The following PIK3C2G variants were observed in gnomAD, a reference collection of about 807,000 sequenced individuals.
The protein encoded by PIK3C2G is phosphatidylinositol 3-kinase C2 domain-containing subunit gamma.
A neutral mutation model predicts 181.1 loss-of-function variants in PIK3C2G; 168 were observed. The ratio of observed to expected loss-of-function variants is 0.93; its 90% confidence interval spans 0.82 to 1.05. The LOEUF (loss-of-function observed/expected upper bound fraction) is 1.05. Among genes scored for constraint, PIK3C2G ranks in the 50% least tolerant of loss-of-function variants. The pLI, the probability that PIK3C2G is intolerant of heterozygous loss-of-function variation, is 0.00. For missense variants in PIK3C2G, 1,869 were observed against 1,732.8 expected (o/e 1.08, Z -1.40); for synonymous variants, 573 against 592.2 (o/e 0.97, Z 0.47).
Position 18,488,432 on chromosome 12 carries a change from C to T in PIK3C2G, c.2505-17C>T, listed in dbSNP as rs1197533604. 3 of 1,259,132 alleles carry T rather than the reference C, an allele frequency of 2.4e-6. No homozygotes were observed. The highest frequency in any genetic ancestry group is 2.1e-5 in the African/African-American group (1 of 46,670). The allele number at this position is 1,259,132 out of a possible 1,614,324, so 78.0% of individuals were successfully genotyped here. On this transcript the variant is annotated splice_polypyrimidine_tract_variant and intron_variant, in intron 18 of 32. Coordinates refer to ENST00000538779, the MANE Select transcript of PIK3C2G (RefSeq NM_001288772.2). ...TAGCTTTACATACAAGAATTTTTTT[C>T]TCTCTCTTTCCTTCAGGCTGCTAAA... is the stretch of plus-strand genomic sequence containing the variant.
chr12:18,640,220 T>C (rs1170727575), intron 31 of PIK3C2G, among the ~76,000 whole-genome samples: 1 of 152,104 alleles, frequency 6.6e-6, no homozygotes, highest in East Asian at 1.9e-4. Context: ...CAACACTTAA[T>C]TTAAGATGGC....
At chr12:18,383,993 T>C (rs73066515) in intron 14 of PIK3C2G, among the ~76,000 whole-genome samples, 13,850 of 149,788 alleles carry the variant, frequency 0.092, 1,018 homozygotes, top group Admixed American at 0.25. Flanking sequence ...TATTATTTTT[T>C]TTTTTTTTGT....
intron 18 of PIK3C2G, among the ~76,000 whole-genome samples, chr12:18,466,244 T>C (rs1238745122): frequency 6.6e-6 from 1 of 151,792 alleles, no homozygotes; most frequent in Non-Finnish European, 1.5e-5. Flanking sequence ...AAAAGTTGTT[T>C]AAATGTATTA....
chr12:18,399,524 G>C (rs1156375250), intron 15 of PIK3C2G, 135 bp from the exon 16 acceptor site: 2 of 448,668 alleles, frequency 4.5e-6, no homozygotes, highest in African/African-American at 4.0e-5. Flanking sequence ...ATCCGAAGAA[G>C]GTAAAAGATG....
upstream of PIK3C2G, among the ~76,000 whole-genome samples, chr12:18,256,887 G>C (rs1948151139): frequency 6.6e-6 from 1 of 151,764 alleles, no homozygotes; most frequent in South Asian, 2.1e-4. Context: ...TTAAAACATA[G>C]AAAGAGACCC....
chr12:18,351,718 C>T (rs564515271), intron 11 of PIK3C2G, among the ~76,000 whole-genome samples: 16 of 152,268 alleles, frequency 1.1e-4, no homozygotes, highest in African/African-American at 3.6e-4. Flanking sequence ...AGCATATGCA[C>T]GTCATCCTGT....
At chr12:18,378,667 GA>G (rs1269588425) in intron 13 of PIK3C2G, among the ~76,000 whole-genome samples, 1 of 151,996 alleles carries the variant, frequency 6.6e-6, no homozygotes, top group African/African-American at 2.4e-5. Context: ...AAATTTACAA[GA>G]AAAAAACAAA....
intron 18 of PIK3C2G, among the ~76,000 whole-genome samples, chr12:18,439,394 C>T (rs1361829847): frequency 1.3e-5 from 2 of 151,984 alleles, no homozygotes; most frequent in Middle Eastern, 3.2e-3. Context: ...CAAGAAAGTA[C>T]AAGTAAAATT....
intron 15 of PIK3C2G, among the ~76,000 whole-genome samples, chr12:18,395,896 A>G (rs1943862154): frequency 6.7e-6 from 1 of 148,256 alleles, no homozygotes; most frequent in African/African-American, 2.5e-5. Context: ...CAAGGAGAAG[A>G]TAAAAATGAA....
intron 8 of PIK3C2G, among the ~76,000 whole-genome samples, chr12:18,333,947 T>C (rs1012829102): frequency 7.9e-5 from 12 of 152,160 alleles, no homozygotes; most frequent in Admixed American, 2.6e-4. Context: ...TCCAGAAAGA[T>C]GCAGGGGAGA....
chr12:18,675,589 A>G, the PIK3C2G span, among the ~76,000 whole-genome samples: 1,142 of 152,316 alleles, frequency 7.5e-3, 17 homozygotes, highest in African/African-American at 0.027. Flanking sequence ...TCACTGCACT[A>G]TTCACAATAG....
rs1433980946 is a variant in PIK3C2G at position 18,491,521 on chromosome 12, T to G, written c.2756T>G (p.Leu919Arg). The G allele has an allele frequency of 6.2e-7, 1 of 1,608,338 alleles. No homozygotes were observed. The change falls in exon 20 of 33, where the codon CTG becomes CGG. Residue 919 changes from leucine to arginine, a missense_variant. Transcript: ENST00000538779. Reference sequence around the variant, plus strand: ...GATGTAAATACTTGTCATCTTCCTCTGAACCCTGCCCTATGTATAAAAGGG... The same window carrying G: ...GATGTAAATACTTGTCATCTTCCTCGGAACCCTGCCCTATGTATAAAAGGG... Reference protein sequence around the residue: ...FQDVNTCHLPLNPALCIKGID... With the variant: ...FQDVNTCHLPRNPALCIKGID...
intron 16 of PIK3C2G, 99 bp downstream of exon 16, chr12:18,399,946 T>A: frequency 1.6e-6 from 1 of 617,436 alleles, no homozygotes; most frequent in South Asian, 5.3e-5. Context: ...ATTCTGTTTG[T>A]TCTCAATTTT....
the PIK3C2G span, chr12:18,684,153 A>G: frequency 6.2e-7 from 1 of 1,611,984 alleles, no homozygotes; most frequent in East Asian, 2.2e-5. Flanking sequence ...TAGAAGTGGC[A>G]AAGTATATTG....
the PIK3C2G span, among the ~76,000 whole-genome samples, chr12:18,657,869 G>A: frequency 6.6e-6 from 1 of 151,966 alleles, no homozygotes; most frequent in Admixed American, 6.6e-5. Flanking sequence ...CTCATCTATT[G>A]GACTTACTAG....
At chr12:18,550,287 T>C (rs1385290090) in intron 26 of PIK3C2G, among the ~76,000 whole-genome samples, 5 of 152,114 alleles carry the variant, frequency 3.3e-5, no homozygotes, top group Non-Finnish European at 7.4e-5. Context: ...TATTATGTTG[T>C]TTGGAAATCC....
Position 18,503,350 on chromosome 12 carries a change from C to T in PIK3C2G, c.3086C>T (p.Pro1029Leu). 1 of 1,610,576 alleles carries T rather than the reference C, an allele frequency of 6.2e-7. No homozygotes were observed. The highest frequency in any genetic ancestry group is 8.5e-7 in the Non-Finnish European group (1 of 1,177,388). Reference sequence around the variant, plus strand: ...CATCGCCATTCTGGACTGATAGGACCATTGAAAGAAAATACAATTAAAAAG... The same window carrying T: ...CATCGCCATTCTGGACTGATAGGACTATTGAAAGAAAATACAATTAAAAAG... ...KIHRHSGLIG[P>L]LKENTIKKWF... Residue 1029 changes from proline to leucine, a missense_variant, in exon 23 of 33, where the codon CCA (proline) becomes CTA (leucine). Transcript: ENST00000538779.
rs774930557 is a variant in PIK3C2G at position 18,530,665 on chromosome 12, G to A, written c.3324-7491G>A. Among the ~76,000 whole-genome samples the A allele has an allele frequency of 6.6e-5, 10 of 152,134 alleles. No individual in the cohort carries two copies. The South Asian group carries it at 8.3e-4, about 13-fold the overall frequency. ...ATCCCCAATGTTACAGGAGGGACCT[G>A]GAGAGAGGTGATTAGATCATGGGGG... On this transcript the variant is annotated intron_variant, in intron 24 of 32. Transcript: ENST00000538779.
In PIK3C2G at chr12:18,293,918, G is replaced by T. The variant is rs766981923; in HGVS notation, c.937G>T (p.Asp313Tyr). 6.5e-7 allele frequency: 1 copy of T among 1,536,946 alleles called. No individual in the cohort carries two copies. Among genetic ancestry groups the T allele is most frequent in the Non-Finnish European group, 9.0e-7 (1 of 1,109,958 alleles). Residue 313 changes from aspartate to tyrosine, a missense_variant, in exon 5 of 33, where the codon GAT (aspartate) becomes TAT (tyrosine). Physicochemically the swap from Asp to Tyr is radical, Grantham distance 160 (BLOSUM62 -3). Transcript: ENST00000538779. ...FMPCANYLVK[D>Y]LIAEILHFCT... is the part of the protein sequence containing the mutation. The stretch of plus-strand genomic sequence containing the variant: ...TTCTTTAGCTAATTATCTTGTCAAA[G>T]ATCTAATTGCAGAAATTCTGCATTT...
Sources: gnomAD v4.1 joint callset for allele counts (sites outside exome capture counted in the v4.1 genomes callset) on GRCh38, gnomAD v4.1.1 for gene constraint, MANE v1.5 for transcripts, NCBI Gene and HGNC (gene_info 2026-07-23, HGNC 2026-07-21) for gene names.